The following FRMPD1 variants were observed in gnomAD, a reference collection of about 807,000 sequenced individuals.
FRMPD1 encodes FERM and PDZ domain-containing protein 1.
FRMPD1 carries 76 observed loss-of-function variants against 117.8 expected under a neutral mutation model. That is an observed-to-expected ratio of 0.65 (90% CI 0.54 to 0.78). The LOEUF is 0.78. FRMPD1 is among the 30% of genes least tolerant of loss of function. The probability of loss-of-function intolerance (pLI) is 0.00; values close to 1 mark genes in which losing one functional copy is unlikely to be tolerated. For synonymous variants in FRMPD1, 783 were observed against 770.4 expected (o/e 1.02, Z -0.27); for missense variants, 1,786 against 1,964.5 (o/e 0.91, Z 1.72).
Position 37,707,486 on chromosome 9 carries a change from G to A in FRMPD1, c.172G>A (p.Val58Ile), listed in dbSNP as rs773099173. Residue 58 changes from valine to isoleucine, a missense_variant, in exon 3 of 16, where the codon GTA (valine) becomes ATA (isoleucine). Val to Ile is a conservative substitution (Grantham distance 29). Coordinates refer to ENST00000377765, the MANE Select transcript of FRMPD1 (RefSeq NM_014907.3). ...GACCCTCATCCCTGTGCGACACACAGTAAAGATAGACAAAGACACCCTCCT... is the reference window on the plus strand; with the variant it reads ...GACCCTCATCCCTGTGCGACACACAATAAAGATAGACAAAGACACCCTCCT... ...TQTLIPVRHT[V>I]KIDKDTLLQD... 1.2e-6 allele frequency: 2 copies of A among 1,613,826 alleles called. No individual in the cohort carries two copies. Among genetic ancestry groups the A allele is most frequent in the African/African-American group, 2.7e-5 (2 of 74,920 alleles).
At chr9:37,691,045 T>C (rs1007951524) in intron 1 of FRMPD1, among the ~76,000 whole-genome samples, 2 of 152,230 alleles carry the variant, frequency 1.3e-5, no homozygotes, top group African/African-American at 4.8e-5. Flanking sequence ...TTTCAACACA[T>C]GAACTTCAGG....
the FRMPD1 span, among the ~76,000 whole-genome samples, chr9:37,637,964 CTTTCTTTCTTTCTTTCT>C: frequency 3.1e-5 from 1 of 32,088 alleles, no homozygotes; most frequent in African/African-American, 9.6e-5. Context: ...ATGGTGTATG[CTTTCTTTCTTTCTTTCT>C]TTCTTTCTTT....
intron 1 of FRMPD1, among the ~76,000 whole-genome samples, 195 bp from the exon 2 acceptor site, chr9:37,692,443 A>G (rs1429154016): frequency 6.6e-6 from 1 of 152,178 alleles, no homozygotes; most frequent in African/African-American, 2.4e-5. Flanking sequence ...TTGCTGCAAG[A>G]TTGAGGGTTG....
intron 2 of FRMPD1, among the ~76,000 whole-genome samples, chr9:37,706,172 T>A (rs1008121075): frequency 6.6e-6 from 1 of 152,126 alleles, no homozygotes; most frequent in Non-Finnish European, 1.5e-5. Context: ...CTGGGTCATC[T>A]ATTCATACAG....
At chr9:37,639,445 C>T in the FRMPD1 span, among the ~76,000 whole-genome samples, 2 of 152,116 alleles carry the variant, frequency 1.3e-5, no homozygotes, top group Admixed American at 6.5e-5. Context: ...GACACCTCAA[C>T]CCATAGTTTG....
At chr9:37,674,320 A>G (rs1821451045) in intron 1 of FRMPD1, among the ~76,000 whole-genome samples, 1 of 152,188 alleles carries the variant, frequency 6.6e-6, no homozygotes, top group South Asian at 2.1e-4. Context: ...CCAGTTCTCG[A>G]TAAGTTCCTC....
chr9:37,699,098 C>T (rs572183169), intron 2 of FRMPD1, among the ~76,000 whole-genome samples: 1 of 152,112 alleles, frequency 6.6e-6, no homozygotes, highest in Non-Finnish European at 1.5e-5. Context: ...TCTCGAACTC[C>T]TGACCTCAAG....
chr9:37,642,072 T>G, the FRMPD1 span, among the ~76,000 whole-genome samples: 1 of 152,072 alleles, frequency 6.6e-6, no homozygotes, highest in African/African-American at 2.4e-5. Flanking sequence ...ACTATTGGAG[T>G]GAGAAAGACA....
At chr9:37,743,520 CTTTTTTTTTTTTTTTTTTT>C (rs531949141) in intron 15 of FRMPD1, among the ~76,000 whole-genome samples, 660 of 40,928 alleles carry the variant, frequency 0.016, 7 homozygotes, top group Middle Eastern at 0.12. Context: ...AATGGCTCTG[CTTTTTTTTTTTTTTTTTTT>C]TTTTTTTTTT....
chr9:37,657,260 G>C (rs1482120477), intron 1 of FRMPD1, among the ~76,000 whole-genome samples: 4 of 152,178 alleles, frequency 2.6e-5, no homozygotes, highest in African/African-American at 4.8e-5. Context: ...CACCTCCCCT[G>C]CCAGTTGAAA....
the FRMPD1 span, among the ~76,000 whole-genome samples, chr9:37,635,300 A>G: frequency 6.6e-6 from 1 of 152,296 alleles, no homozygotes; most frequent in East Asian, 1.9e-4. Context: ...TTAATGTTCA[A>G]TTGAATTTAT....
the FRMPD1 span, among the ~76,000 whole-genome samples, chr9:37,645,317 TCTTATTGC>T: frequency 6.6e-6 from 1 of 152,158 alleles, no homozygotes; most frequent in Non-Finnish European, 1.5e-5. Flanking sequence ...TATACAAATA[TCTTATTGC>T]CTTCCTCTGT....
chr9:37,746,416 C>T lies in FRMPD1; in HGVS notation c.4384C>T (p.Leu1462Phe), dbSNP rs1231588547. Residue 1462 changes from leucine to phenylalanine, a missense_variant, in exon 16 of 16, where the codon CTC becomes TTC. Transcript: ENST00000377765. Reference protein sequence around the residue: ...TWHFTESRSRLCMGSQKLLSS... With the variant: ...TWHFTESRSRFCMGSQKLLSS... ...GCACTTTACCGAAAGCCGGAGCCGCCTCTGCATGGGCTCCCAGAAGCTCCT... is the reference window on the plus strand; with the variant it reads ...GCACTTTACCGAAAGCCGGAGCCGCTTCTGCATGGGCTCCCAGAAGCTCCT... 6.2e-7 allele frequency: 1 copy of T among 1,613,548 alleles called. No homozygotes were observed. Among genetic ancestry groups the T allele is most frequent in the East Asian group, 2.2e-5 (1 of 44,882 alleles).
rs1159174275 is a variant in FRMPD1 at position 37,741,765 on chromosome 9, A to G, written c.2356+881A>G. Among the ~76,000 whole-genome samples, 9 of 152,032 alleles carry G rather than the reference A, an allele frequency of 5.9e-5. No homozygotes were observed. The South Asian group carries it at 1.5e-3, about 25-fold the overall frequency. On this transcript the variant is annotated intron_variant, in intron 15 of 15. Coordinates refer to ENST00000377765, the MANE Select transcript of FRMPD1 (RefSeq NM_014907.3). ...TTCCTGCCATACAGACCTCCTTGCC[A>G]CTTTCTACAAGTGCCTGTTTTTTCC...
At position 37,658,057 on chromosome 9, in the gene FRMPD1, T is replaced by A. The variant is rs528594136; in HGVS notation, c.-5+6963T>A. Among the ~76,000 whole-genome samples the A allele has an allele frequency of 3.3e-5, 5 of 152,254 alleles. No homozygotes were observed. In the South Asian group the frequency reaches 1.0e-3, roughly 32 times the overall value. On this transcript the variant is annotated intron_variant, in intron 1 of 15. Coordinates refer to ENST00000377765, the MANE Select transcript of FRMPD1 (RefSeq NM_014907.3). ...TCCATTTCTTCTTCCCTATGACAGC[T>A]AGTTAGGCCACTTGGACCTTCAAAG... is the stretch of plus-strand genomic sequence containing the variant.
the FRMPD1 span, among the ~76,000 whole-genome samples, chr9:37,616,482 T>G: frequency 6.6e-6 from 1 of 152,180 alleles, no homozygotes; most frequent in South Asian, 2.1e-4. Flanking sequence ...TTGGAGTTGC[T>G]TATGGTCACA....
intron 1 of FRMPD1, among the ~76,000 whole-genome samples, chr9:37,688,051 C>T (rs1024506913): frequency 3.3e-5 from 5 of 151,772 alleles, no homozygotes; most frequent in Non-Finnish European, 5.9e-5. Context: ...GTGTTAACCT[C>T]TAGGGGAATG....
In FRMPD1 at chr9:37,744,615, G is replaced by C. The variant is rs1275578699; in HGVS notation, c.2583G>C (p.Glu861Asp). ...CCCTGGTGCCATCAGCCTCCCTGGA[G>C]AGTGTAGACGACGTGTGCTACTATG... ...SFPLVPSASLESVDDVCYYDR... is the reference protein window; with the variant it reads ...SFPLVPSASLDSVDDVCYYDR... Residue 861 changes from glutamate to aspartate, a missense_variant, in exon 16 of 16, where the codon GAG becomes GAC. Transcript: ENST00000377765. 1 of 1,614,054 alleles carries C rather than the reference G, an allele frequency of 6.2e-7. No homozygotes were observed. Among genetic ancestry groups the C allele is most frequent in the Admixed American group, 1.7e-5 (1 of 60,032 alleles).
At chr9:37,650,441 G>A (rs1465859757), upstream of FRMPD1, among the ~76,000 whole-genome samples, 1 of 152,074 alleles carries the variant, frequency 6.6e-6, no homozygotes, top group East Asian at 1.9e-4. Flanking sequence ...CAGAGACAGG[G>A]GAGGTGGTCC....
Sources: gnomAD v4.1 joint callset for allele counts (sites outside exome capture counted in the v4.1 genomes callset) on GRCh38, gnomAD v4.1.1 for gene constraint, MANE v1.5 for transcripts, NCBI Gene and HGNC (gene_info 2026-07-23, HGNC 2026-07-21) for gene names.